TMEM65: variants seen among roughly 807,000 people sequenced by gnomAD.
The protein encoded by TMEM65 is transmembrane protein 65.
TMEM65 carries 22 observed loss-of-function variants against 25.4 expected under a neutral mutation model. That is an observed-to-expected ratio of 0.86 (90% CI 0.62 to 1.23). The LOEUF (loss-of-function observed/expected upper bound fraction) is 1.23. TMEM65 is among the 50% of genes most tolerant of loss of function. The pLI is 0.00. For missense variants in TMEM65, 262 were observed against 308.2 expected, an observed-to-expected ratio of 0.85 and a Z score of 1.12; for synonymous variants, 132 against 126.2, an observed-to-expected ratio of 1.05 and a Z score of -0.31.
chr8:124,361,009 C>A lies in TMEM65; in HGVS notation c.304+10845G>T, dbSNP rs116663211. On this transcript the variant is annotated intron_variant, in intron 1 of 6. Coordinates refer to ENST00000297632, the MANE Select transcript of TMEM65 (RefSeq NM_194291.3). ...ACAGAAAGGTTAAGTATACTTAGAT[C>A]TGTTAATAAACAAAAAAATTGAGAA... Among the ~76,000 whole-genome samples the A allele has an allele frequency of 6.8e-3, 1,036 of 152,232 alleles. 9 individuals are homozygous for A. The highest frequency in any genetic ancestry group is 0.022 in the African/African-American group (918 of 41,526).
At chr8:124,330,637 C>G (rs1814420270) in intron 2 of TMEM65, 111 bp downstream of exon 2, 1 of 1,062,218 alleles carries the variant, frequency 9.4e-7, no homozygotes, top group Non-Finnish European at 1.4e-6. Flanking sequence ...ATAATCCACT[C>G]TATCTGGAAA....
intron 6 of TMEM65, among the ~76,000 whole-genome samples, chr8:124,315,072 T>C (rs928167113): frequency 6.6e-6 from 1 of 152,172 alleles, no homozygotes. Flanking sequence ...TTAAGTTTCA[T>C]TTCCTCATAC....
At chr8:124,334,365 T>C (rs943831946) in intron 1 of TMEM65, among the ~76,000 whole-genome samples, 29 of 152,232 alleles carry the variant, frequency 1.9e-4, no homozygotes, top group African/African-American at 6.7e-4. Context: ...AATAAAAATA[T>C]GCTTAAATGA....
intron 1 of TMEM65, among the ~76,000 whole-genome samples, chr8:124,371,509 G>C (rs1815011027): frequency 6.6e-6 from 1 of 152,272 alleles, no homozygotes; most frequent in African/African-American, 2.4e-5. Context: ...AGGGACAGGA[G>C]GGCTGGGGAG....
chr8:124,334,763 CAA>C (rs34202764), intron 1 of TMEM65, among the ~76,000 whole-genome samples: 3,840 of 85,844 alleles, frequency 0.045, 135 homozygotes, highest in African/African-American at 0.15. Flanking sequence ...GACTCCGTCT[CAA>C]AAAAAAAAAA....
chr8:124,366,460 C>A (rs1302880850), intron 1 of TMEM65, among the ~76,000 whole-genome samples: 1 of 152,152 alleles, frequency 6.6e-6, no homozygotes, highest in African/African-American at 2.4e-5. Context: ...CATCAGCCAG[C>A]CAAAGTTTAT....
intron 1 of TMEM65, among the ~76,000 whole-genome samples, chr8:124,334,282 C>T (rs1428582489): frequency 6.6e-6 from 1 of 152,088 alleles, no homozygotes; most frequent in Non-Finnish European, 1.5e-5. Flanking sequence ...AGACCAATCC[C>T]AAAGTCACTC....
intron 1 of TMEM65, among the ~76,000 whole-genome samples, chr8:124,345,362 C>T (rs537326383): frequency 4.6e-5 from 7 of 152,310 alleles, no homozygotes; most frequent in Non-Finnish European, 7.4e-5. Context: ...CTGCCCAACA[C>T]GTGAGTTGTC....
In TMEM65 at chr8:124,307,821, A is replaced by C. The variant is rs1168633007; in HGVS notation, c.*6139T>G. On this transcript the variant is annotated 3_prime_UTR_variant, in exon 7 of 7. Transcript: ENST00000297632. Reference sequence around the variant, plus strand: ...CCATTAAGAAAATCATTGAGGAGAAAGCATATCTACCAAAACAGGTTCTTA... The same window carrying C: ...CCATTAAGAAAATCATTGAGGAGAACGCATATCTACCAAAACAGGTTCTTA... The C allele has an allele frequency of 6.6e-6, 1 of 152,216 alleles. No homozygotes were observed. The highest frequency in any genetic ancestry group is 1.5e-5 in the Non-Finnish European group (1 of 68,050). The allele number at this position is 152,216 out of a possible 1,614,324, so 9.4% of individuals were successfully genotyped here.
At chr8:124,366,459 G>A (rs557951007) in intron 1 of TMEM65, among the ~76,000 whole-genome samples, 1 of 152,030 alleles carries the variant, frequency 6.6e-6, no homozygotes, top group Non-Finnish European at 1.5e-5. Flanking sequence ...CCATCAGCCA[G>A]CCAAAGTTTA....
intron 2 of TMEM65, among the ~76,000 whole-genome samples, chr8:124,328,193 C>A (rs1814390721): frequency 6.6e-6 from 1 of 152,034 alleles, no homozygotes; most frequent in Admixed American, 6.6e-5. Context: ...ATCATGAGGT[C>A]AAGAGATCGA....
rs547635398 is a variant in TMEM65, at chr8:124,367,580, T to G, written c.304+4274A>C. On this transcript the variant is annotated intron_variant, in intron 1 of 6. Coordinates refer to ENST00000297632, the MANE Select transcript of TMEM65 (RefSeq NM_194291.3). ...CTTGTTAAAGGTCCAAGATCTCTAG[T>G]GAACAGGGATTCCATAAGAAAGCCT... is the stretch of plus-strand genomic sequence containing the variant. Among the ~76,000 whole-genome samples the G allele has an allele frequency of 5.9e-5, 9 of 152,338 alleles. 2 individuals carry two copies. The highest frequency in any genetic ancestry group is 1.9e-4 in the East Asian group (1 of 5,192).
intron 1 of TMEM65, among the ~76,000 whole-genome samples, chr8:124,331,862 T>C (rs529946580): frequency 1.3e-5 from 2 of 152,138 alleles, no homozygotes; most frequent in East Asian, 1.9e-4. Flanking sequence ...GAATTTAGTA[T>C]AAAAAAGTAA....
At chr8:124,356,127 T>C (rs1814777419) in intron 1 of TMEM65, among the ~76,000 whole-genome samples, 1 of 152,158 alleles carries the variant, frequency 6.6e-6, no homozygotes, top group Admixed American at 6.5e-5. Context: ...GGTGAACCAA[T>C]TAAACCTTTT....
intron 1 of TMEM65, among the ~76,000 whole-genome samples, chr8:124,369,369 G>A (rs1814981265): frequency 6.6e-6 from 1 of 152,172 alleles, no homozygotes; most frequent in South Asian, 2.1e-4. Context: ...AAGGGCAAAT[G>A]TGCCAAATTT....
intron 1 of TMEM65, among the ~76,000 whole-genome samples, chr8:124,357,385 G>A (rs779728469): frequency 2.0e-5 from 3 of 152,010 alleles, no homozygotes; most frequent in Non-Finnish European, 4.4e-5. Context: ...GTTAGATTTC[G>A]TTTTAAAAAG....
chr8:124,357,056 ATC>A lies in TMEM65; in HGVS notation c.304+14796_304+14797del, dbSNP rs1198792362. ...CTCTTCCACCCTTAGCTTCTAGGATATCTTTTTTTTTTTTTTCCTGTCTCTCT... is the reference window on the plus strand; with the variant it reads ...CTCTTCCACCCTTAGCTTCTAGGATATTTTTTTTTTTTTTCCTGTCTCTCT... On this transcript the variant is annotated intron_variant, in intron 1 of 6. Transcript: ENST00000297632. Among the ~76,000 whole-genome samples the A allele has an allele frequency of 3.8e-3, 155 of 40,490 alleles. 1 individual carries two copies. The highest frequency in any genetic ancestry group is 9.4e-4 in the Non-Finnish European group (22 of 23,440). 26.6% of individuals were successfully genotyped at this position (40,490 alleles called of 152,430 possible). A position where few individuals can be genotyped will look rare whatever the true frequency, so the allele number is the denominator to read the frequency against.
Position 124,313,866 on chromosome 8 carries a change from A to C in TMEM65, c.*94T>G. 1 of 827,514 alleles carries C rather than the reference A, an allele frequency of 1.2e-6. No individual in the cohort carries two copies. Among genetic ancestry groups the C allele is most frequent in the East Asian group, 2.7e-5 (1 of 37,572 alleles). The allele number at this position is 827,514 out of a possible 1,614,324, so 51.3% of individuals were successfully genotyped here. ...TGCTAAATTATTTGATCCCATATCT[A>C]TACTGTTACTGTCTTAATTCCTAAA... is the stretch of plus-strand genomic sequence containing the variant. On this transcript the variant is annotated 3_prime_UTR_variant, in exon 7 of 7. Coordinates refer to ENST00000297632, the MANE Select transcript of TMEM65 (RefSeq NM_194291.3).
rs116761477 is a variant in TMEM65 at position 124,356,074 on chromosome 8, G to A, written c.304+15780C>T. ...GTAGGAAGAACATGAAACTCTACCTGGATCCTTCTCCCAATCTCTACGAGT... is the reference window on the plus strand; with the variant it reads ...GTAGGAAGAACATGAAACTCTACCTAGATCCTTCTCCCAATCTCTACGAGT... On this transcript the variant is annotated intron_variant, in intron 1 of 6. Coordinates refer to ENST00000297632, the MANE Select transcript of TMEM65 (RefSeq NM_194291.3). Among the ~76,000 whole-genome samples, 315 of 152,228 alleles carry A rather than the reference G, an allele frequency of 2.1e-3. 4 individuals carry two copies. The highest frequency in any genetic ancestry group is 5.9e-3 in the African/African-American group (244 of 41,536).
Sources: allele counts gnomAD v4.1 joint callset (sites outside exome capture counted in the v4.1 genomes callset), GRCh38; gene constraint gnomAD v4.1.1; transcripts MANE v1.5; gene names NCBI Gene and HGNC (gene_info 2026-07-23, HGNC 2026-07-21).